SLAIN2: variants seen among roughly 807,000 people sequenced by gnomAD.
SLAIN2 encodes the protein SLAIN motif-containing protein 2.
A neutral mutation model predicts 56.6 loss-of-function variants in SLAIN2; 31 were observed. The ratio of observed to expected loss-of-function variants is 0.55; its 90% confidence interval spans 0.41 to 0.74. SLAIN2 has a LOEUF of 0.74. Among genes scored for constraint, SLAIN2 ranks in the 30% least tolerant of loss-of-function variants. SLAIN2 has a pLI of 0.00. For missense variants in SLAIN2, 777 were observed against 754.2 expected (o/e 1.03, Z -0.35); for synonymous variants, 317 against 284.9 (o/e 1.11, Z -1.13).
Position 48,424,355 on chromosome 4 carries a change from G to T in SLAIN2, c.*2278G>T, listed in dbSNP as rs1717245518. ...ATTTACTGTGGTTAGTCTTACAGAAGAAATGTGGATTTGATAAACTAGTGC... is the reference window on the plus strand; with the variant it reads ...ATTTACTGTGGTTAGTCTTACAGAATAAATGTGGATTTGATAAACTAGTGC... On this transcript the variant is annotated 3_prime_UTR_variant, in exon 8 of 8. Coordinates refer to ENST00000264313, the MANE Select transcript of SLAIN2 (RefSeq NM_020846.2). 1 of 152,084 alleles carries T rather than the reference G, an allele frequency of 6.6e-6. No homozygotes were observed. Among genetic ancestry groups the T allele is most frequent in the South Asian group, 2.1e-4 (1 of 4,826 alleles). 9.4% of individuals were successfully genotyped at this position (152,084 alleles called of 1,614,324 possible).
At position 48,369,840 on chromosome 4, in the gene SLAIN2, T is replaced by G. The variant is rs770949367; in HGVS notation, c.390-9T>G. The G allele has an allele frequency of 3.1e-6, 5 of 1,601,664 alleles. No individual in the cohort carries two copies. The African/African-American group carries it at 4.0e-5, about 13-fold the overall frequency. ...AAGGAATTTTCTGTTTTTTGTTGTCTTCTTCTAGGCTGTATTCATCACCAA... is the reference window on the plus strand; with the variant it reads ...AAGGAATTTTCTGTTTTTTGTTGTCGTCTTCTAGGCTGTATTCATCACCAA... On this transcript the variant is annotated splice_polypyrimidine_tract_variant and intron_variant, in intron 1 of 7. Coordinates refer to ENST00000264313, the MANE Select transcript of SLAIN2 (RefSeq NM_020846.2).
intron 1 of SLAIN2, among the ~76,000 whole-genome samples, chr4:48,361,459 C>G (rs769836849): frequency 6.6e-6 from 1 of 152,076 alleles, no homozygotes; most frequent in Non-Finnish European, 1.5e-5. Flanking sequence ...CTGTGGGGAT[C>G]ATTTTTAGAA....
At chr4:48,380,635 A>T (rs1577723010) in intron 4 of SLAIN2, among the ~76,000 whole-genome samples, 1 of 152,162 alleles carries the variant, frequency 6.6e-6, no homozygotes, top group Non-Finnish European at 1.5e-5. Context: ...ATCTGAAGGT[A>T]CTTATTCTTG....
At chr4:48,346,393 TC>T (rs1366379774) in intron 1 of SLAIN2, among the ~76,000 whole-genome samples, 2 of 152,220 alleles carry the variant, frequency 1.3e-5, no homozygotes, top group African/African-American at 4.8e-5. Flanking sequence ...GCTCACTAGA[TC>T]AATTTATCTT....
chr4:48,347,752 C>T (rs1339448820), intron 1 of SLAIN2, among the ~76,000 whole-genome samples: 2 of 152,320 alleles, frequency 1.3e-5, no homozygotes, highest in East Asian at 3.9e-4. Flanking sequence ...ACTGTGTACC[C>T]ATTAAACAGT....
intron 6 of SLAIN2, among the ~76,000 whole-genome samples, chr4:48,417,786 G>C (rs936777374): frequency 6.7e-6 from 1 of 150,138 alleles, no homozygotes; most frequent in African/African-American, 2.5e-5. Context: ...AAAAGCCTTT[G>C]ACAAAATTCA....
At chr4:48,385,879 T>C (rs1332258511) in intron 6 of SLAIN2, among the ~76,000 whole-genome samples, 1 of 151,890 alleles carries the variant, frequency 6.6e-6, no homozygotes, top group Non-Finnish European at 1.5e-5. Flanking sequence ...GGCTCAAAAA[T>C]CAACAGGCTA....
At chr4:48,373,392 C>T (rs1715721368) in intron 2 of SLAIN2, among the ~76,000 whole-genome samples, 1 of 152,172 alleles carries the variant, frequency 6.6e-6, no homozygotes. Flanking sequence ...CTCTCTTTTG[C>T]CTCATGTCTC....
chr4:48,392,376 T>A (rs1320195719), intron 6 of SLAIN2, among the ~76,000 whole-genome samples: 1 of 151,870 alleles, frequency 6.6e-6, no homozygotes, highest in Admixed American at 6.6e-5. Flanking sequence ...TCCATTGGAG[T>A]CGCCACAGCT....
intron 6 of SLAIN2, among the ~76,000 whole-genome samples, chr4:48,416,256 T>TAAATG: frequency 1.0e-4 from 1 of 10,034 alleles, no homozygotes; most frequent in Non-Finnish European, 2.2e-4. Flanking sequence ...TTTGTAGTTC[T>TAAATG]CCTTGAAGAG....
chr4:48,419,495 G>A (rs1717090103), intron 6 of SLAIN2, among the ~76,000 whole-genome samples: 1 of 152,160 alleles, frequency 6.6e-6, no homozygotes, highest in Admixed American at 6.5e-5. Flanking sequence ...CTGCATCTCT[G>A]GTTCAGGCAG....
chr4:48,420,401 G>C lies in SLAIN2; in HGVS notation c.1637G>C (p.Gly546Ala). 1.2e-6 allele frequency: 2 copies of C among 1,613,996 alleles called. No individual in the cohort carries two copies. The highest frequency in any genetic ancestry group is 1.7e-6 in the Non-Finnish European group (2 of 1,179,872). ...LPRPSAPSAG[G>A]IPVPRSKLAQ... ...AGACCCAGTGCCCCTTCTGCTGGGG[G>C]CATACCAGTGCCTCGCAGCAAACTT... Residue 546 changes from glycine (G) to alanine (A), a missense_variant, in exon 7 of 8, where the codon GGC becomes GCC. Coordinates refer to ENST00000264313, the MANE Select transcript of SLAIN2 (RefSeq NM_020846.2).
intron 1 of SLAIN2, among the ~76,000 whole-genome samples, chr4:48,368,721 T>C (rs1371088819): frequency 5.3e-5 from 8 of 152,240 alleles, no homozygotes; most frequent in Non-Finnish European, 1.2e-4. Flanking sequence ...TAAATTGAGA[T>C]TTTATTTCAC....
chr4:48,363,727 C>T (rs1316953878), intron 1 of SLAIN2, among the ~76,000 whole-genome samples: 68 of 102,452 alleles, frequency 6.6e-4, no homozygotes, highest in Admixed American at 1.0e-3. Context: ...CCAGACGGGG[C>T]GGCTGGCCAG....
chr4:48,368,306 C>T (rs1279422811), intron 1 of SLAIN2, among the ~76,000 whole-genome samples: 1 of 152,078 alleles, frequency 6.6e-6, no homozygotes, highest in Non-Finnish European at 1.5e-5. Context: ...GGTGATCCAC[C>T]TGCCTTGGCC....
At chr4:48,408,550 A>AAAT (rs1392075477) in intron 6 of SLAIN2, among the ~76,000 whole-genome samples, 2 of 150,506 alleles carry the variant, frequency 1.3e-5, no homozygotes, top group Non-Finnish European at 3.0e-5. Context: ...AAAAAAAAAA[A>AAAT]TTCAGGTGAA....
At chr4:48,354,284 C>T (rs1034331278) in intron 1 of SLAIN2, among the ~76,000 whole-genome samples, 1 of 152,078 alleles carries the variant, frequency 6.6e-6, no homozygotes, top group Non-Finnish European at 1.5e-5. Flanking sequence ...TGTGCATTTT[C>T]AGACCCTCAA....
intron 1 of SLAIN2, among the ~76,000 whole-genome samples, chr4:48,366,977 C>G (rs1180571762): frequency 6.6e-6 from 1 of 152,002 alleles, no homozygotes; most frequent in Non-Finnish European, 1.5e-5. Context: ...AAAAAAATGT[C>G]TTTAGTGGGA....
At chr4:48,398,877 A>G (rs1716477356) in intron 6 of SLAIN2, among the ~76,000 whole-genome samples, 1 of 152,188 alleles carries the variant, frequency 6.6e-6, no homozygotes, top group East Asian at 1.9e-4. Context: ...TACCAGTACT[A>G]TGCCGTTTTG....
Sources: allele counts gnomAD v4.1 joint callset (sites outside exome capture counted in the v4.1 genomes callset), GRCh38; gene constraint gnomAD v4.1.1; transcripts MANE v1.5; gene names NCBI Gene and HGNC (gene_info 2026-07-23, HGNC 2026-07-21).